The following KCNMA1 variants were observed in gnomAD, a reference collection of about 807,000 sequenced individuals.
KCNMA1 encodes the protein Calcium-activated potassium channel subunit alpha-1.
A neutral mutation model predicts 140.0 loss-of-function variants in KCNMA1; 29 were observed. That is an observed-to-expected ratio of 0.21 (90% CI 0.15 to 0.28). KCNMA1 has a LOEUF of 0.28. Ranked by LOEUF, KCNMA1 falls within the 10% of genes least tolerant of loss-of-function variation. KCNMA1 has a pLI of 1.00. For synonymous variants in KCNMA1, 612 were observed against 611.9 expected (o/e 1.00, Z 0.00); for missense variants, 880 against 1,602.2 (o/e 0.55, Z 7.70).
At chr10:77,031,603 G>A (rs2093943931) in intron 15 of KCNMA1, among the ~76,000 whole-genome samples, 1 of 152,214 alleles carries the variant, frequency 6.6e-6, no homozygotes, top group Non-Finnish European at 1.5e-5. Context: ...CAAATCACAC[G>A]TTTCTGTTAG....
At chr10:76,895,162 C>A in intron 25 of KCNMA1, among the ~76,000 whole-genome samples, 1 of 152,188 alleles carries the variant, frequency 6.6e-6, no homozygotes, top group East Asian at 1.9e-4. Context: ...GTACCCCCTG[C>A]TTGCTCAATC....
intron 2 of KCNMA1, among the ~76,000 whole-genome samples, chr10:77,387,571 CTTTT>C (rs1396268188): frequency 2.0e-5 from 3 of 148,234 alleles, no homozygotes; most frequent in African/African-American, 7.6e-5. Flanking sequence ...CTTTTCTTTT[CTTTT>C]TTTTCTTTTC....
chr10:77,276,993 G>C (rs887536072), intron 2 of KCNMA1, among the ~76,000 whole-genome samples: 2 of 152,138 alleles, frequency 1.3e-5, no homozygotes, highest in African/African-American at 4.8e-5. Flanking sequence ...CCTGTAGCCA[G>C]TAAATGACAC....
intron 2 of KCNMA1, among the ~76,000 whole-genome samples, chr10:77,351,759 T>C (rs898518570): frequency 1.3e-5 from 2 of 152,232 alleles, no homozygotes; most frequent in Non-Finnish European, 2.9e-5. Flanking sequence ...CATGTAACAA[T>C]GTTCATCTCT....
At chr10:77,270,548 G>T (rs558391647) in intron 2 of KCNMA1, among the ~76,000 whole-genome samples, 1 of 143,414 alleles carries the variant, frequency 7.0e-6, no homozygotes, top group South Asian at 2.2e-4. Flanking sequence ...TTTTTCCAGG[G>T]TCTTGCTCTG....
chr10:76,958,293 T>A (rs2069250886), intron 20 of KCNMA1, among the ~76,000 whole-genome samples: 1 of 152,206 alleles, frequency 6.6e-6, no homozygotes, highest in Admixed American at 6.5e-5. Context: ...GATTAGATAT[T>A]GTCTTTCACA....
intron 9 of KCNMA1, among the ~76,000 whole-genome samples, chr10:77,098,274 C>T (rs2096989607): frequency 6.6e-6 from 1 of 152,134 alleles, no homozygotes; most frequent in South Asian, 2.1e-4. Context: ...GTGGACAGCA[C>T]CTCATTTTAA....
chr10:77,434,939 A>G (rs1160036766), intron 1 of KCNMA1, among the ~76,000 whole-genome samples: 1 of 152,198 alleles, frequency 6.6e-6, no homozygotes, highest in Admixed American at 6.5e-5. Flanking sequence ...CAATGGAGTC[A>G]AATTTTTTAA....
chr10:76,910,494 A>G, intron 24 of KCNMA1: 1 of 300,840 alleles, frequency 3.3e-6, no homozygotes. Flanking sequence ...TAGTCATTTT[A>G]GCCACAATGA....
intron 1 of KCNMA1, among the ~76,000 whole-genome samples, chr10:77,430,628 C>T (rs2097133182): frequency 1.3e-5 from 2 of 152,216 alleles, no homozygotes; most frequent in African/African-American, 4.8e-5. Flanking sequence ...CCCAGGAGAA[C>T]AGACAAAGCA....
At chr10:77,149,114 G>A (rs2098370779) in intron 5 of KCNMA1, among the ~76,000 whole-genome samples, 1 of 152,212 alleles carries the variant, frequency 6.6e-6, no homozygotes, top group Non-Finnish European at 1.5e-5. Flanking sequence ...ATCGTGCCTA[G>A]CACAGCTGGG....
chr10:77,520,157 G>GGGGTAT (rs1567297795), intron 1 of KCNMA1, among the ~76,000 whole-genome samples: 2 of 2,104 alleles, frequency 9.5e-4, no homozygotes, highest in African/African-American at 1.9e-3. Flanking sequence ...TGTGAGGTCT[G>GGGGTAT]GCATATGCAG....
chr10:77,503,176 A>G (rs947405194), intron 1 of KCNMA1, among the ~76,000 whole-genome samples: 11 of 152,244 alleles, frequency 7.2e-5, no homozygotes, highest in Admixed American at 4.6e-4. Flanking sequence ...AAAATGTTGC[A>G]GGGATCTGAA....
chr10:77,531,613 G>T (rs2057647783), intron 1 of KCNMA1, among the ~76,000 whole-genome samples: 1 of 152,204 alleles, frequency 6.6e-6, no homozygotes, highest in Non-Finnish European at 1.5e-5. Context: ...ACATCCCTCA[G>T]CCCTCCAAGG....
intron 1 of KCNMA1, among the ~76,000 whole-genome samples, chr10:77,478,057 A>G (rs910841505): frequency 6.6e-6 from 1 of 152,190 alleles, no homozygotes; most frequent in Non-Finnish European, 1.5e-5. Flanking sequence ...GTTGAAGTCT[A>G]TTCCACTTCC....
At chr10:77,491,481 A>C (rs1185156641) in intron 1 of KCNMA1, among the ~76,000 whole-genome samples, 1 of 152,160 alleles carries the variant, frequency 6.6e-6, no homozygotes, top group Non-Finnish European at 1.5e-5. Context: ...CCACTGCTAC[A>C]ATGAGGCCAC....
chr10:77,199,872 T>C (rs1038238328), intron 3 of KCNMA1, among the ~76,000 whole-genome samples: 1 of 152,186 alleles, frequency 6.6e-6, no homozygotes, highest in Non-Finnish European at 1.5e-5. Flanking sequence ...CGGTGAAGCA[T>C]CTGTGTGCCC....
intron 1 of KCNMA1, among the ~76,000 whole-genome samples, chr10:77,602,942 G>C (rs897829181): frequency 6.6e-6 from 1 of 152,222 alleles, no homozygotes; most frequent in African/African-American, 2.4e-5. Context: ...GAATGGGGAA[G>C]GGTATGAAAC....
intron 15 of KCNMA1, among the ~76,000 whole-genome samples, chr10:77,036,480 C>A (rs1044521536): frequency 1.3e-5 from 2 of 152,210 alleles, no homozygotes; most frequent in African/African-American, 4.8e-5. Flanking sequence ...AGAGAAAAAG[C>A]ACATTTATTT....
Sources: allele counts gnomAD v4.1 joint callset (sites outside exome capture counted in the v4.1 genomes callset), GRCh38; gene constraint gnomAD v4.1.1; transcripts MANE v1.5; gene names NCBI Gene and HGNC (gene_info 2026-07-23, HGNC 2026-07-21).